Variants in MLIP observed in about 807,000 individuals in gnomAD.
MLIP encodes muscular LMNA-interacting protein.
In MLIP, 79 loss-of-function variants were observed where a neutral mutation model predicts 84.8. The observed-to-expected ratio is 0.93, with a 90% confidence interval of 0.78 to 1.12. The LOEUF (loss-of-function observed/expected upper bound fraction) is 1.12. Among genes scored for constraint, MLIP ranks in the 50% most tolerant of loss-of-function variants. The pLI is 0.00. For synonymous variants in MLIP, 504 were observed against 463.0 expected (o/e 1.09, Z -1.14); for missense variants, 1,257 against 1,160.6 (o/e 1.08, Z -1.21).
chr6:54,216,613 T>C (rs1779870644), intron 11 of MLIP: 1 of 972,472 alleles, frequency 1.0e-6, no homozygotes, highest in South Asian at 4.8e-5. Flanking sequence ...AAATCTTTTT[T>C]TATATAGAGG....
intron 1 of MLIP, among the ~76,000 whole-genome samples, chr6:54,085,705 C>T (rs928266395): frequency 5.3e-5 from 8 of 152,196 alleles, no homozygotes; most frequent in Non-Finnish European, 1.2e-4. Flanking sequence ...AGCACAGATC[C>T]ATTCCTTTGA....
chr6:54,108,081 T>C (rs9382288), upstream of MLIP, among the ~76,000 whole-genome samples: 1 of 152,290 alleles, frequency 6.6e-6, no homozygotes, highest in East Asian at 1.9e-4. Flanking sequence ...AATATCCGTT[T>C]AGTAATAAGG....
intron 1 of MLIP, chr6:54,099,459 AT>A (rs1224784126): frequency 6.6e-6 from 1 of 152,092 alleles, no homozygotes; most frequent in Non-Finnish European, 1.5e-5. Flanking sequence ...CTATTTTCAC[AT>A]AGTTTGAAGG....
intron 1 of MLIP, among the ~76,000 whole-genome samples, chr6:54,042,337 C>T (rs2150303642): frequency 6.6e-6 from 1 of 152,234 alleles, no homozygotes; most frequent in South Asian, 2.1e-4. Flanking sequence ...CTGCTTTCTT[C>T]TTCTCCTGCT....
At position 54,234,486 on chromosome 6, in the gene MLIP, A is replaced by C. The variant is rs572158483; in HGVS notation, c.2922+3569A>C. ...CCTCCCCTTTGTATGCAGAAGCCTA[A>C]AAAACAAAATAAAACAATACAAAAG... is the stretch of plus-strand genomic sequence containing the variant. On this transcript the variant is annotated intron_variant, in intron 12 of 13. Transcript: ENST00000502396. Among the ~76,000 whole-genome samples the C allele has an allele frequency of 2.1e-4, 32 of 152,216 alleles. No homozygotes were observed. The East Asian group carries it at 5.8e-3, about 28-fold the overall frequency.
intron 11 of MLIP, among the ~76,000 whole-genome samples, chr6:54,206,876 G>T (rs1268509187): frequency 6.6e-6 from 1 of 152,198 alleles, no homozygotes; most frequent in Non-Finnish European, 1.5e-5. Context: ...CTCTGGCTTT[G>T]TCACAAACTA....
At chr6:54,149,500 A>G (rs1249671338) in intron 5 of MLIP, among the ~76,000 whole-genome samples, 3 of 152,140 alleles carry the variant, frequency 2.0e-5, no homozygotes, top group Non-Finnish European at 4.4e-5. Context: ...GTGAAATGGG[A>G]TTGTTTGTGA....
chr6:54,213,733 A>T (rs550008133), intron 11 of MLIP, among the ~76,000 whole-genome samples: 2 of 118,570 alleles, frequency 1.7e-5, no homozygotes, highest in African/African-American at 7.3e-5. Context: ...AAAAAAAAAA[A>T]AAACAACAAA....
At chr6:54,144,868 T>C (rs535493566) in intron 4 of MLIP, among the ~76,000 whole-genome samples, 94 of 152,332 alleles carry the variant, frequency 6.2e-4, no homozygotes, top group African/African-American at 2.2e-3. Flanking sequence ...TATATGACTT[T>C]AGTGGAAAAT....
At chr6:54,081,713 A>G (rs772905397) in intron 1 of MLIP, among the ~76,000 whole-genome samples, 19 of 152,060 alleles carry the variant, frequency 1.2e-4, no homozygotes, top group Middle Eastern at 3.2e-3. Context: ...GCGCCCGGCC[A>G]GGGTCCATAT....
chr6:54,138,590 C>T (rs1772034207), intron 4 of MLIP, among the ~76,000 whole-genome samples: 1 of 152,056 alleles, frequency 6.6e-6, no homozygotes, highest in Admixed American at 6.6e-5. Flanking sequence ...ATATCATTGG[C>T]CCTAATGACA....
intron 11 of MLIP, chr6:54,215,333 G>A: frequency 4.4e-6 from 6 of 1,360,642 alleles, no homozygotes; most frequent in Non-Finnish European, 5.6e-6. Flanking sequence ...GAAAAAATCA[G>A]TCCTTACTGA....
intron 1 of MLIP, among the ~76,000 whole-genome samples, chr6:54,024,665 TATA>T (rs1255333558): frequency 6.6e-6 from 1 of 152,204 alleles, no homozygotes; most frequent in African/African-American, 2.4e-5. Flanking sequence ...TACATTATGA[TATA>T]ATAATGATAG....
intron 1 of MLIP, among the ~76,000 whole-genome samples, chr6:54,070,702 T>C (rs1329168158): frequency 2.0e-5 from 3 of 152,154 alleles, no homozygotes; most frequent in African/African-American, 7.2e-5. Flanking sequence ...CTTTTTGCAG[T>C]TTGAGGGGCC....
intron 1 of MLIP, among the ~76,000 whole-genome samples, chr6:54,087,007 A>G (rs1582106954): frequency 6.6e-6 from 1 of 152,128 alleles, no homozygotes; most frequent in Non-Finnish European, 1.5e-5. Flanking sequence ...TTTATCATCT[A>G]TCTCTCTCTT....
At chr6:54,210,076 T>C (rs1381189559) in intron 11 of MLIP, among the ~76,000 whole-genome samples, 1 of 152,254 alleles carries the variant, frequency 6.6e-6, no homozygotes, top group Non-Finnish European at 1.5e-5. Flanking sequence ...AGAAATTAAT[T>C]TAGCTTCAAT....
chr6:54,142,400 C>A (rs1048376093), intron 4 of MLIP, among the ~76,000 whole-genome samples: 1 of 152,112 alleles, frequency 6.6e-6, no homozygotes, highest in South Asian at 2.1e-4. Context: ...GATGGTGTCA[C>A]AAGTTATGTT....
At chr6:54,223,340 A>G (rs1780351149) in intron 11 of MLIP, among the ~76,000 whole-genome samples, 1 of 151,898 alleles carries the variant, frequency 6.6e-6, no homozygotes, top group African/African-American at 2.4e-5. Flanking sequence ...AATGTCAAGC[A>G]GAAGCTTTTT....
chr6:54,039,367 G>A (rs1207858980), intron 1 of MLIP, among the ~76,000 whole-genome samples: 1 of 151,926 alleles, frequency 6.6e-6, no homozygotes, highest in East Asian at 1.9e-4. Context: ...GAATAAGTAT[G>A]TTGGATTAAA....
Sources: allele counts gnomAD v4.1 joint callset (sites outside exome capture counted in the v4.1 genomes callset), GRCh38; gene constraint gnomAD v4.1.1; transcripts MANE v1.5; gene names NCBI Gene and HGNC (gene_info 2026-07-23, HGNC 2026-07-21).